The following GPR158 variants were observed in gnomAD, a reference collection of about 807,000 sequenced individuals.
GPR158 encodes G protein-coupled receptor 158, also known as metabotropic glycine receptor.
In GPR158, 30 loss-of-function variants were observed where a neutral mutation model predicts 78.2. The ratio of observed to expected loss-of-function variants is 0.38; its 90% CI spans 0.29 to 0.52. GPR158 has a LOEUF of 0.52. Ranked by LOEUF, GPR158 falls within the 20% of genes least tolerant of loss-of-function variation. GPR158 has a pLI of 0.83. For synonymous variants in GPR158, 581 were observed against 591.1 expected (o/e 0.98, Z 0.25); for missense variants, 1,463 against 1,523.5 (o/e 0.96, Z 0.66).
At chr10:25,365,025 T>C (rs1303562420) in intron 2 of GPR158, among the ~76,000 whole-genome samples, 1 of 151,798 alleles carries the variant, frequency 6.6e-6, no homozygotes, top group Non-Finnish European at 1.5e-5. Context: ...AACTATGTTT[T>C]CCTAAAGTAC....
chr10:25,487,235 C>A (rs1835746788), intron 5 of GPR158, among the ~76,000 whole-genome samples: 1 of 152,004 alleles, frequency 6.6e-6, no homozygotes, highest in Non-Finnish European at 1.5e-5. Context: ...TATCCAAAGC[C>A]ATATTTTCAA....
chr10:25,241,331 CTTCTCTT>C (rs757425829), intron 2 of GPR158, among the ~76,000 whole-genome samples: 1,280 of 123,706 alleles, frequency 0.01, 48 homozygotes, highest in Non-Finnish European at 0.012. Context: ...CTTCTCTTCT[CTTCTCTT>C]TTCTCTTTTC....
intron 4 of GPR158, among the ~76,000 whole-genome samples, chr10:25,460,587 TC>T (rs1399939539): frequency 1.3e-5 from 2 of 152,206 alleles, no homozygotes; most frequent in African/African-American, 4.8e-5. Flanking sequence ...TGACTACCTC[TC>T]CTTCAAAGAT....
At chr10:25,286,528 GTCTC>G (rs759603917) in intron 2 of GPR158, among the ~76,000 whole-genome samples, 129 of 151,684 alleles carry the variant, frequency 8.5e-4, no homozygotes, top group Non-Finnish European at 1.3e-3. Flanking sequence ...ATCAAAAACA[GTCTC>G]TCTAATAGTT....
intron 4 of GPR158, among the ~76,000 whole-genome samples, chr10:25,423,173 A>G (rs1344900839): frequency 6.6e-6 from 1 of 150,406 alleles, no homozygotes; most frequent in African/African-American, 2.4e-5. Context: ...ATGTGTGTAT[A>G]TATGTATATA....
rs200734790 is a variant in GPR158, at chr10:25,330,024, T to TTG, written c.1009-65886_1009-65885insGT. Reference sequence around the variant, plus strand: ...GAACTTGAGATAATTCTTTTTTTTTTTTGTTATACTTTAAGTTTTAGGGTA... The same window carrying TTG: ...GAACTTGAGATAATTCTTTTTTTTTTTGTTGTTATACTTTAAGTTTTAGGGTA... On this transcript the variant is annotated intron_variant, in intron 2 of 10. Transcript: ENST00000376351. Among the ~76,000 whole-genome samples the TTG allele has an allele frequency of 5.0e-3, 752 of 151,814 alleles. 10 individuals are homozygous for TTG. The highest frequency in any genetic ancestry group is 0.018 in the African/African-American group (727 of 41,402).
At chr10:25,448,130 G>T (rs1223962149) in intron 4 of GPR158, among the ~76,000 whole-genome samples, 1 of 146,840 alleles carries the variant, frequency 6.8e-6, no homozygotes, top group African/African-American at 2.6e-5. Context: ...TGTCACCCAG[G>T]CTGGAGTGCA....
chr10:25,180,880 A>C (rs1329296033), intron 1 of GPR158, among the ~76,000 whole-genome samples: 2 of 151,886 alleles, frequency 1.3e-5, no homozygotes, highest in African/African-American at 4.8e-5. Context: ...AAAAAAAAAG[A>C]AAGAAAAATC....
intron 4 of GPR158, among the ~76,000 whole-genome samples, chr10:25,451,852 T>TA (rs1485653721): frequency 2.0e-5 from 3 of 152,182 alleles, no homozygotes; most frequent in Non-Finnish European, 4.4e-5. Flanking sequence ...CCACATTTAT[T>TA]ACTAACATTT....
chr10:25,179,063 G>T (rs999947691), intron 1 of GPR158, among the ~76,000 whole-genome samples: 1 of 152,088 alleles, frequency 6.6e-6, no homozygotes, highest in Non-Finnish European at 1.5e-5. Flanking sequence ...ACTTAAAAAA[G>T]AGATTACATT....
chr10:25,355,908 C>G, intron 2 of GPR158, among the ~76,000 whole-genome samples: 1 of 151,996 alleles, frequency 6.6e-6, no homozygotes, highest in African/African-American at 2.4e-5. Flanking sequence ...GATTTAGTAT[C>G]TCCTTTGGCC....
Position 25,212,851 on chromosome 10 carries a change from C to T in GPR158, c.903-8201C>T, listed in dbSNP as rs568753015. 2.6e-5 allele frequency among the ~76,000 whole-genome samples: 4 copies of T among 152,124 alleles called. No individual in the cohort carries two copies. In the South Asian group the frequency reaches 8.3e-4, roughly 32 times the overall value. On this transcript the variant is annotated intron_variant, in intron 1 of 10. Transcript: ENST00000376351. ...TTCACCATATTAGCCAGGCTGGTCT[C>T]GAACTCCTGACCTTGTGATCCACCC...
At chr10:25,271,026 C>T (rs144595717) in intron 2 of GPR158, among the ~76,000 whole-genome samples, 60 of 152,320 alleles carry the variant, frequency 3.9e-4, no homozygotes, top group African/African-American at 1.4e-3. Context: ...TATTCTTGCC[C>T]TAGTGACAAT....
chr10:25,570,877 G>A (rs1042298967), intron 6 of GPR158, among the ~76,000 whole-genome samples: 11 of 152,196 alleles, frequency 7.2e-5, no homozygotes, highest in Non-Finnish European at 7.4e-5. Context: ...CTGAGATCAC[G>A]CCACTGCATT....
At chr10:25,222,257 C>G (rs1853309082) in intron 2 of GPR158, among the ~76,000 whole-genome samples, 1 of 152,048 alleles carries the variant, frequency 6.6e-6, no homozygotes, top group South Asian at 2.1e-4. Flanking sequence ...ATCCGCCATA[C>G]ATTCCACACA....
At chr10:25,423,110 C>CAAGTATAT (rs1554802500) in intron 4 of GPR158, among the ~76,000 whole-genome samples, 1 of 23,148 alleles carries the variant, frequency 4.3e-5, no homozygotes, top group East Asian at 3.5e-4. Context: ...TATATGTCTA[C>CAAGTATAT]ACATATATAC....
intron 2 of GPR158, chr10:25,244,056 A>G (rs1853658431): frequency 6.6e-6 from 1 of 152,128 alleles, no homozygotes; most frequent in Admixed American, 6.6e-5. Context: ...GGTCCTAGCA[A>G]TTTTAGCCTT....
chr10:25,283,227 G>C (rs975208772), intron 2 of GPR158, among the ~76,000 whole-genome samples: 2 of 151,966 alleles, frequency 1.3e-5, no homozygotes, highest in Non-Finnish European at 2.9e-5. Flanking sequence ...TTCTGGAATA[G>C]TTTGTGCCTT....
At chr10:25,431,984 C>T (rs971106828) in intron 4 of GPR158, among the ~76,000 whole-genome samples, 1 of 125,564 alleles carries the variant, frequency 8.0e-6, no homozygotes, top group African/African-American at 2.9e-5. Flanking sequence ...CACATGTACC[C>T]TAAAACTTAA....
Sources: allele counts gnomAD v4.1 joint callset (sites outside exome capture counted in the v4.1 genomes callset), GRCh38; gene constraint gnomAD v4.1.1; transcripts MANE v1.5; gene names NCBI Gene and HGNC (gene_info 2026-07-23, HGNC 2026-07-21).